Variants in CAV1 observed in about 807,000 individuals in gnomAD.
The protein encoded by CAV1 is caveolin-1.
Under a neutral mutation model 16.5 loss-of-function variants are expected in CAV1, and 10 were observed. The ratio of observed to expected loss-of-function variants is 0.61; its 90% confidence interval spans 0.37 to 1.03. The LOEUF is 1.03. Among genes scored for constraint, CAV1 ranks in the 50% least tolerant of loss-of-function variants. The pLI is 0.01. For missense variants in CAV1, 212 were observed against 232.8 expected, an observed-to-expected ratio of 0.91 and a Z score of 0.58; for synonymous variants, 76 against 85.1, an observed-to-expected ratio of 0.89 and a Z score of 0.59.
At chr7:116,555,488 GAAA>G (rs1562837955) in intron 2 of CAV1, among the ~76,000 whole-genome samples, 67 of 5,040 alleles carry the variant, frequency 0.013, 7 homozygotes, top group Middle Eastern at 0.17. Flanking sequence ...GGAAAGAAAA[GAAA>G]GAAAGAAAGA....
chr7:116,555,507 A>G (rs1562838037), intron 2 of CAV1, among the ~76,000 whole-genome samples: 306 of 6,232 alleles, frequency 0.049, 19 homozygotes, highest in Middle Eastern at 0.12. Flanking sequence ...AAAGAAAGAA[A>G]GAAAGAAAGA....
intron 2 of CAV1, among the ~76,000 whole-genome samples, chr7:116,533,569 C>G (rs1003545611): frequency 1.2e-4 from 19 of 152,072 alleles, no homozygotes; most frequent in Admixed American, 9.8e-4. Flanking sequence ...TGGGCTCAAG[C>G]AACTCCTGAG....
chr7:116,550,313 C>T (rs995646221), intron 2 of CAV1, among the ~76,000 whole-genome samples: 2 of 152,162 alleles, frequency 1.3e-5, no homozygotes, highest in African/African-American at 2.4e-5. Context: ...GTATCTGTCA[C>T]CCCAAGGGAA....
chr7:116,557,371 C>T (rs896832763), intron 2 of CAV1, among the ~76,000 whole-genome samples: 1 of 152,168 alleles, frequency 6.6e-6, no homozygotes, highest in African/African-American at 2.4e-5. Flanking sequence ...TGGCAGTCCT[C>T]ATTCCCTAAT....
Position 116,525,876 on chromosome 7 carries a change from T to A in CAV1, c.31-649T>A, listed in dbSNP as rs555648389. ...CGCCAAAAATGGGGACTTTCGGGAT[T>A]GTGATCATCACGGCGGATTGAGCAG... On this transcript the variant is annotated intron_variant, in intron 1 of 2. Transcript: ENST00000341049. 1.2e-5 allele frequency: 12 copies of A among 978,976 alleles called. No homozygotes were observed. In the African/African-American group the frequency reaches 2.1e-4, roughly 17 times the overall value. The allele number at this position is 978,976 out of a possible 1,614,324, so 60.6% of individuals were successfully genotyped here.
At position 116,559,270 on chromosome 7, in the gene CAV1, T is replaced by C; in HGVS notation, c.520T>C (p.Leu174=). The stretch of plus-strand genomic sequence containing the variant: ...AATATTCAGCAATGTCCGCATCAAC[T>C]TGCAGAAAGAAATATAAATGACATT... ...GKIFSNVRIN[L]QKEI The change falls in exon 3 of 3, where the codon TTG becomes CTG. Residue 174 remains leucine (L), a synonymous_variant. Coordinates refer to ENST00000341049, the MANE Select transcript of CAV1 (RefSeq NM_001753.5). The C allele has an allele frequency of 6.2e-7, 1 of 1,612,698 alleles. No homozygotes were observed. Among genetic ancestry groups the C allele is most frequent in the South Asian group, 1.1e-5 (1 of 91,048 alleles).
chr7:116,555,579 A>G (rs1442059574), intron 2 of CAV1, among the ~76,000 whole-genome samples: 1 of 101,478 alleles, frequency 9.9e-6, no homozygotes, highest in African/African-American at 4.0e-5. Context: ...AAAGAAAGAA[A>G]GAAAGAAAGA....
intron 1 of CAV1, chr7:116,525,552 G>T: frequency 8.2e-7 from 1 of 1,219,470 alleles, no homozygotes; most frequent in Non-Finnish European, 1.0e-6. Flanking sequence ...TCCCGCAGGC[G>T]GCGCGCGGTG....
intron 2 of CAV1, among the ~76,000 whole-genome samples, chr7:116,548,419 G>A (rs1794096195): frequency 6.6e-6 from 1 of 152,214 alleles, no homozygotes; most frequent in Admixed American, 6.5e-5. Context: ...TGAGGAGTAA[G>A]AGTGATGCTG....
chr7:116,527,620 T>G (rs1165526860), intron 2 of CAV1, among the ~76,000 whole-genome samples: 1 of 152,216 alleles, frequency 6.6e-6, no homozygotes, highest in East Asian at 1.9e-4. Context: ...GATTGGGATA[T>G]CATGGGCTAG....
At chr7:116,538,611 T>G (rs1793873156) in intron 2 of CAV1, among the ~76,000 whole-genome samples, 1 of 152,186 alleles carries the variant, frequency 6.6e-6, no homozygotes, top group Non-Finnish European at 1.5e-5. Context: ...CACCAAACTA[T>G]TTTGGGTAAG....
intron 2 of CAV1, among the ~76,000 whole-genome samples, chr7:116,540,097 A>G (rs1337011706): frequency 2.0e-5 from 3 of 152,234 alleles, no homozygotes; most frequent in African/African-American, 7.2e-5. Flanking sequence ...TACTGCTTCT[A>G]GATGCAAATA....
At chr7:116,555,992 A>G (rs1211977682) in intron 2 of CAV1, among the ~76,000 whole-genome samples, 1 of 152,166 alleles carries the variant, frequency 6.6e-6, no homozygotes, top group Non-Finnish European at 1.5e-5. Flanking sequence ...AACTGAATAT[A>G]TTTATATAAC....
At position 116,560,468 on chromosome 7, in the gene CAV1, C is replaced by T. The variant is rs11553395; in HGVS notation, c.*1181C>T. 5.3e-5 allele frequency: 8 copies of T among 152,226 alleles called. No homozygotes were observed. Among genetic ancestry groups the T allele is most frequent in the African/African-American group, 1.9e-4 (8 of 41,554 alleles). 9.4% of individuals were successfully genotyped at this position (152,226 alleles called of 1,614,324 possible). On this transcript the variant is annotated 3_prime_UTR_variant, in exon 3 of 3. Transcript: ENST00000341049. ...CCCTGCTCAGTAAAGCACTTGCAAC[C>T]GTCTGTTATGCTGTGACACATGGCC...
chr7:116,538,476 G>A lies in CAV1; in HGVS notation c.195+11787G>A, dbSNP rs532499383. Among the ~76,000 whole-genome samples the A allele has an allele frequency of 6.2e-4, 94 of 152,292 alleles. 1 individual carries two copies. The highest frequency in any genetic ancestry group is 3.5e-3 in the Admixed American group (53 of 15,288). On this transcript the variant is annotated intron_variant, in intron 2 of 2. Transcript: ENST00000341049. ...AAATATGTCAAGGAAGTGGAATTGC[G>A]TTCATTAGATTTCACCACTAATTAT...
Position 116,526,653 on chromosome 7 carries a change from C to A in CAV1, c.159C>A (p.Asn53Lys). The A allele has an allele frequency of 6.2e-7, 1 of 1,614,168 alleles. No homozygotes were observed. Among genetic ancestry groups the A allele is most frequent in the Non-Finnish European group, 8.5e-7 (1 of 1,180,028 alleles). ...ACACCAAGGAGATCGACCTGGTCAA[C>A]CGCGACCCTAAACACCTCAACGATG... The part of the protein sequence containing the change: ...DAHTKEIDLV[N>K]RDPKHLNDDV... The change falls in exon 2 of 3, where the codon AAC becomes AAA. Residue 53 changes from asparagine to lysine, a missense_variant. Physicochemically the swap from Asn to Lys is moderately conservative, Grantham distance 94. Transcript: ENST00000341049.
At chr7:116,534,385 A>ATT (rs1181456517) in intron 2 of CAV1, among the ~76,000 whole-genome samples, 5 of 9,148 alleles carry the variant, frequency 5.5e-4, no homozygotes, top group African/African-American at 1.6e-3. Flanking sequence ...ATATATATAT[A>ATT]TATATATATA....
intron 2 of CAV1, among the ~76,000 whole-genome samples, chr7:116,555,518 A>AAGAAAG (rs1554357869): frequency 0.017 from 241 of 14,044 alleles, 72 homozygotes; most frequent in Non-Finnish European, 0.02. Context: ...GAAAGAAAGA[A>AAGAAAG]AGAGAGAGAG....
rs34592877 is a variant in CAV1 at position 116,525,112 on chromosome 7, C to T, written c.30+20C>T. 744 of 1,613,870 alleles carry T rather than the reference C, an allele frequency of 4.6e-4. 3 individuals are homozygous for T. The African/African-American group carries it at 8.5e-3, about 18-fold the overall frequency. On this transcript the variant is annotated intron_variant, in intron 1 of 2. Transcript: ENST00000341049. The stretch of plus-strand genomic sequence containing the variant: ...TCGGAGGTAGGCATCCGTGGGGGGG[C>T]GCCGGCTCGGGCGTGCGGGGAGTGT...
Sources: allele counts gnomAD v4.1 joint callset (sites outside exome capture counted in the v4.1 genomes callset), GRCh38; gene constraint gnomAD v4.1.1; transcripts MANE v1.5; gene names NCBI Gene and HGNC (gene_info 2026-07-23, HGNC 2026-07-21).